The following HEATR4 variants were observed in gnomAD, a reference collection of about 807,000 sequenced individuals.
HEATR4 encodes the protein HEAT repeat-containing protein 4.
Under a neutral mutation model 108.8 loss-of-function variants are expected in HEATR4, and 95 were observed. That is an observed-to-expected ratio of 0.87 (90% CI 0.74 to 1.04). HEATR4 has a LOEUF of 1.04. Among genes scored for constraint, HEATR4 ranks in the 50% least tolerant of loss-of-function variants. The pLI is 0.00. For synonymous variants in HEATR4, 443 were observed against 459.4 expected (o/e 0.96, Z 0.46); for missense variants, 1,152 against 1,253.8 (o/e 0.92, Z 1.23).
chr14:73,503,521 G>T (rs149795251), intron 10 of HEATR4, among the ~76,000 whole-genome samples: 1 of 152,154 alleles, frequency 6.6e-6, no homozygotes, highest in Non-Finnish European at 1.5e-5. Context: ...ATGTGCCCAC[G>T]CTGTTCTTCC....
At chr14:73,590,717 C>A in the HEATR4 span, among the ~76,000 whole-genome samples, 3 of 151,788 alleles carry the variant, frequency 2.0e-5, no homozygotes, top group African/African-American at 4.8e-5. Flanking sequence ...GCGGGCCGGC[C>A]GGCCGCTCCA....
At chr14:73,620,658 C>T in the HEATR4 span, among the ~76,000 whole-genome samples, 8 of 152,126 alleles carry the variant, frequency 5.3e-5, no homozygotes, top group Admixed American at 5.2e-4. Flanking sequence ...ACCTCCGCCT[C>T]CCAGGTTCAA....
the HEATR4 span, among the ~76,000 whole-genome samples, chr14:73,622,898 G>T: frequency 5.9e-5 from 9 of 151,662 alleles, no homozygotes; most frequent in South Asian, 2.1e-4. Flanking sequence ...TTTTATAGTG[G>T]TTTTTTTGTT....
At chr14:73,572,544 A>T in the HEATR4 span, among the ~76,000 whole-genome samples, 1 of 150,966 alleles carries the variant, frequency 6.6e-6, no homozygotes, top group Non-Finnish European at 1.5e-5. Context: ...GATACTGGAA[A>T]GAGAGGAAAG....
At chr14:73,572,787 A>G in the HEATR4 span, among the ~76,000 whole-genome samples, 484 of 148,518 alleles carry the variant, frequency 3.3e-3, no homozygotes, top group African/African-American at 0.012. Context: ...CTGGGATTAC[A>G]GGTGGCCGCC....
At chr14:73,561,450 G>A (rs1889530600), upstream of HEATR4, among the ~76,000 whole-genome samples, 1 of 152,136 alleles carries the variant, frequency 6.6e-6, no homozygotes, top group Non-Finnish European at 1.5e-5. Flanking sequence ...CACTTTGGGA[G>A]CCTGAGGCGG....
the HEATR4 span, among the ~76,000 whole-genome samples, chr14:73,615,733 CAACAAACAAACAAACA>C: frequency 8.0e-5 from 12 of 150,460 alleles, no homozygotes; most frequent in East Asian, 3.9e-4. Flanking sequence ...AACCTTGTCT[CAACAAACAAACAAACA>C]AACAAACAAA....
chr14:73,491,718 A>C (rs1235190415), intron 17 of HEATR4: 2 of 1,551,146 alleles, frequency 1.3e-6, no homozygotes, highest in Non-Finnish European at 1.7e-6. Flanking sequence ...CGGCGGCAGG[A>C]CCACACCTAC....
chr14:73,574,396 C>G, the HEATR4 span: 1 of 202,744 alleles, frequency 4.9e-6, no homozygotes, highest in Non-Finnish European at 1.0e-5. Flanking sequence ...TCCCACGTAG[C>G]TGTGACTACA....
intron 13 of HEATR4, 99 bp downstream of exon 13, chr14:73,498,972 C>T (rs1201624982): frequency 1.0e-6 from 1 of 982,920 alleles, no homozygotes; most frequent in Non-Finnish European, 1.6e-6. Flanking sequence ...ATTACCTCTC[C>T]TGCACTTCAC....
Position 73,523,091 on chromosome 14 carries a change from G to A in HEATR4, c.62C>T (p.Pro21Leu). 6.2e-7 allele frequency: 1 copy of A among 1,611,596 alleles called. No homozygotes were observed. Among genetic ancestry groups the A allele is most frequent in the Middle Eastern group, 1.6e-4 (1 of 6,062 alleles). ...LPHCFYQSLP[P>L]RLGWGMILNY... is the part of the protein sequence containing the mutation. ...TAAAATCATGCCCCATCCCAGTCGTGGGGGCAGTGACTGATAGAAGCAATG... is the reference window on the plus strand; with the variant it reads ...TAAAATCATGCCCCATCCCAGTCGTAGGGGCAGTGACTGATAGAAGCAATG... The change falls in exon 3 of 18, where the codon CCA becomes CTA. Residue 21 changes from proline to leucine, a missense_variant. By Grantham distance (98) the Pro-to-Leu change is moderately conservative. Coordinates refer to ENST00000553558, the MANE Select transcript of HEATR4 (RefSeq NM_001220484.1).
chr14:73,618,419 G>C, the HEATR4 span, among the ~76,000 whole-genome samples: 1 of 147,384 alleles, frequency 6.8e-6, no homozygotes, highest in African/African-American at 2.7e-5. Flanking sequence ...AAACATGCAA[G>C]CTGGGGTGTC....
At chr14:73,593,952 A>G in the HEATR4 span, 12 of 1,521,250 alleles carry the variant, frequency 7.9e-6, no homozygotes, top group South Asian at 9.6e-5. Context: ...AAATATTTCC[A>G]TAGAGAGTGT....
At position 73,492,780 on chromosome 14, in the gene HEATR4, A is replaced by T. The variant is rs769362135; in HGVS notation, c.2844+286T>A. The stretch of plus-strand genomic sequence containing the variant: ...GAAGAACCCAAGTGCTTGGAAATAT[A>T]CCCCCAGCAAGCTGATGCCATGGAA... On this transcript the variant is annotated intron_variant, in intron 17 of 17. Transcript: ENST00000553558. The surrounding 1 kb of genome is among the most constrained non-coding windows in gnomAD (Gnocchi z 4.9). The T allele has an allele frequency of 1.9e-6, 3 of 1,613,796 alleles. No individual in the cohort carries two copies. In the Admixed American group the frequency reaches 5.0e-5, roughly 27 times the overall value.
intron 12 of HEATR4, among the ~76,000 whole-genome samples, chr14:73,500,066 A>G (rs909046971): frequency 1.3e-5 from 2 of 152,128 alleles, no homozygotes; most frequent in South Asian, 4.2e-4. Flanking sequence ...CATCTTTACT[A>G]AAAACACAAA....
At chr14:73,589,765 G>A in the HEATR4 span, among the ~76,000 whole-genome samples, 135 of 152,292 alleles carry the variant, frequency 8.9e-4, no homozygotes, top group African/African-American at 3.1e-3. Flanking sequence ...CCCTCGCGGA[G>A]ATGTTACAGT....
chr14:73,607,790 A>C, the HEATR4 span, among the ~76,000 whole-genome samples: 11 of 150,780 alleles, frequency 7.3e-5, no homozygotes, highest in Admixed American at 6.6e-4. Context: ...CGCCTGGCTA[A>C]TTTTTGTATT....
intron 5 of HEATR4, among the ~76,000 whole-genome samples, 180 bp from the exon 6 acceptor site, chr14:73,514,414 A>C (rs1381416232): frequency 6.6e-6 from 1 of 152,148 alleles, no homozygotes; most frequent in Admixed American, 6.5e-5. Context: ...GGAATTATGG[A>C]AAGTCCTGAC....
At chr14:73,554,982 C>T (rs1047272104) in intron 1 of HEATR4, among the ~76,000 whole-genome samples, 1 of 112,736 alleles carries the variant, frequency 8.9e-6, no homozygotes, top group African/African-American at 2.9e-5. Context: ...ATAAATGTTT[C>T]AACTTTGGAT....
Sources: allele counts gnomAD v4.1 joint callset (sites outside exome capture counted in the v4.1 genomes callset), GRCh38; gene constraint gnomAD v4.1.1; non-coding constraint Gnocchi (gnomAD v3.1); transcripts MANE v1.5; gene names NCBI Gene and HGNC (gene_info 2026-07-23, HGNC 2026-07-21).